The following KDM4B variants were observed in gnomAD, a reference collection of about 807,000 sequenced individuals.
The protein encoded by KDM4B is lysine demethylase 4B, also known as lysine-specific demethylase 4B.
KDM4B carries 32 observed loss-of-function variants against 125.2 expected under a neutral mutation model. The observed-to-expected ratio is 0.26, with a 90% CI of 0.19 to 0.34. The LOEUF is 0.34. KDM4B is among the 10% of genes least tolerant of loss of function. The pLI is 1.00. For missense variants in KDM4B, 1,190 were observed against 1,577.7 expected, an observed-to-expected ratio of 0.75 and a Z score of 4.16; for synonymous variants, 721 against 677.9, an observed-to-expected ratio of 1.06 and a Z score of -0.99.
intron 6 of KDM4B, among the ~76,000 whole-genome samples, chr19:5,048,867 C>T (rs1012258017): frequency 3.3e-5 from 5 of 152,108 alleles, no homozygotes; most frequent in East Asian, 3.9e-4. Context: ...CGGGAAGTGG[C>T]GAGCAGCCGG....
chr19:5,060,116 G>T (rs560463888), intron 6 of KDM4B, among the ~76,000 whole-genome samples: 2 of 152,324 alleles, frequency 1.3e-5, no homozygotes, highest in African/African-American at 4.8e-5. Flanking sequence ...AGCTGATCTT[G>T]GCCGGGTGAT....
In KDM4B at chr19:5,144,766, A is replaced by T; in HGVS notation, c.2902-17A>T. ...TAGTGTGGCCAGGACCTCACCTCCC[A>T]CCTCTTCTCCCTGCAGAGTAGGGAC... On this transcript the variant is annotated splice_polypyrimidine_tract_variant and intron_variant, in intron 20 of 22. Transcript: ENST00000159111. 4 of 1,612,920 alleles carry T rather than the reference A, an allele frequency of 2.5e-6. No individual in the cohort carries two copies. Among genetic ancestry groups the T allele is most frequent in the South Asian group, 2.2e-5 (2 of 91,054 alleles).
At chr19:5,135,311 TC>T (rs1355439609) in intron 14 of KDM4B, 27 bp from the exon 15 acceptor site, 2 of 1,520,498 alleles carry the variant, frequency 1.3e-6, no homozygotes, top group Non-Finnish European at 1.8e-6. Context: ...CATGGCTCTG[TC>T]CCCTGAAGGT....
Position 5,079,507 on chromosome 19 carries a change from C to T in KDM4B, c.780+2037C>T, listed in dbSNP as rs969636553. On this transcript the variant is annotated intron_variant, in intron 8 of 22. Transcript: ENST00000159111. ...GTCCTTACACTGTGAGAGCTTGGCT[C>T]TCTGCTGCCATCACCCCCATTCAAT... 7.2e-5 allele frequency among the ~76,000 whole-genome samples: 11 copies of T among 152,274 alleles called. No homozygotes were observed. In the East Asian group the frequency reaches 2.1e-3, roughly 29 times the overall value.
chr19:5,072,703 A>G (rs2037985695), intron 7 of KDM4B, among the ~76,000 whole-genome samples: 1 of 152,256 alleles, frequency 6.6e-6, no homozygotes, highest in South Asian at 2.1e-4. Flanking sequence ...ACAAATGACC[A>G]CAGAATTAAT....
chr19:5,003,855 G>A (rs567236061), intron 1 of KDM4B, among the ~76,000 whole-genome samples: 1 of 152,138 alleles, frequency 6.6e-6, no homozygotes, highest in Admixed American at 6.5e-5. Context: ...AACCCCCTCT[G>A]TCCCCCACAC....
intron 2 of KDM4B, among the ~76,000 whole-genome samples, chr19:5,017,900 C>T (rs1471417197): frequency 6.6e-6 from 1 of 151,388 alleles, no homozygotes; most frequent in African/African-American, 2.4e-5. Context: ...GCCACCACGC[C>T]CGGCTAATTT....
intron 6 of KDM4B, among the ~76,000 whole-genome samples, chr19:5,064,202 C>T (rs1020975197): frequency 1.3e-5 from 2 of 152,186 alleles, no homozygotes; most frequent in South Asian, 2.1e-4. Context: ...CCTGGGCTTG[C>T]GTGGGTGGCT....
chr19:5,068,393 G>A (rs972443468), intron 6 of KDM4B, among the ~76,000 whole-genome samples: 3 of 152,228 alleles, frequency 2.0e-5, no homozygotes, highest in African/African-American at 7.2e-5. Context: ...GAGCCTTGGT[G>A]TGAGAAGCAG....
intron 1 of KDM4B, among the ~76,000 whole-genome samples, chr19:5,006,678 C>T (rs942319044): frequency 3.3e-5 from 5 of 151,582 alleles, no homozygotes; most frequent in East Asian, 3.9e-4. Context: ...GAGGCTGAGG[C>T]GGGAGAATTG....
At position 5,150,301 on chromosome 19, in the gene KDM4B, C is replaced by CT. The variant is rs1446684926; in HGVS notation, c.3022-56dup. 9 of 1,474,056 alleles carry CT rather than the reference C, an allele frequency of 6.1e-6. No individual in the cohort carries two copies. In the East Asian group the frequency reaches 2.0e-4, roughly 32 times the overall value. The allele number at this position is 1,474,056 out of a possible 1,614,324, so 91.3% of individuals were successfully genotyped here. A position where few individuals can be genotyped will look rare whatever the true frequency, so the allele number is the denominator to read the frequency against. Reference sequence around the variant, plus strand: ...CCCAGCTCTTGAGGCCGTGGCCTGCCTGGAGCACCTGCCATCCTGGCAGTG... The same window carrying CT: ...CCCAGCTCTTGAGGCCGTGGCCTGCCTTGGAGCACCTGCCATCCTGGCAGTG... On this transcript the variant is annotated intron_variant, in intron 21 of 22. Coordinates refer to ENST00000159111, the MANE Select transcript of KDM4B (RefSeq NM_015015.3).
intron 1 of KDM4B, among the ~76,000 whole-genome samples, chr19:4,980,421 C>CTTTTTTTT (rs572345837): frequency 9.1e-6 from 1 of 109,730 alleles, no homozygotes; most frequent in Non-Finnish European, 1.8e-5. Flanking sequence ...CCTTTTCTTT[C>CTTTTTTTT]TTTTTTTTTT....
chr19:5,094,357 C>G (rs1173942960), intron 9 of KDM4B, among the ~76,000 whole-genome samples: 1 of 152,202 alleles, frequency 6.6e-6, no homozygotes, highest in Non-Finnish European at 1.5e-5. Context: ...GAGCGGGGGA[C>G]CTGGCAGAGG....
intron 1 of KDM4B, 125 bp from the exon 2 acceptor site, chr19:5,016,132 A>C (rs555824112): frequency 6.6e-6 from 1 of 152,368 alleles, no homozygotes; most frequent in African/African-American, 2.4e-5. Flanking sequence ...ATTGACAAGA[A>C]TGTGGAAAAT....
At chr19:5,071,545 T>A (rs921951804) in intron 7 of KDM4B, among the ~76,000 whole-genome samples, 36 of 152,230 alleles carry the variant, frequency 2.4e-4, no homozygotes, top group African/African-American at 8.2e-4. Flanking sequence ...CTGGACACCT[T>A]TGGCAAATGT....
chr19:5,099,416 A>G (rs1416538237), intron 9 of KDM4B, among the ~76,000 whole-genome samples: 1 of 152,194 alleles, frequency 6.6e-6, no homozygotes, highest in African/African-American at 2.4e-5. Flanking sequence ...GTGCAAGACA[A>G]TTGAAATATG....
rs79125853 is a variant in KDM4B at position 5,055,408 on chromosome 19, C to T, written c.626+7739C>T. The stretch of plus-strand genomic sequence containing the variant: ...ATATCGCCTTTTGCTGTGTGAAAAT[C>T]GCACTCCAAGCTCTCCTCCAGAGCC... On this transcript the variant is annotated intron_variant, in intron 6 of 22. Transcript: ENST00000159111. 6.7e-3 allele frequency among the ~76,000 whole-genome samples: 1,028 copies of T among 152,322 alleles called. 11 individuals carry two copies. Among genetic ancestry groups the T allele is most frequent in the African/African-American group, 0.024 (987 of 41,556 alleles).
chr19:5,125,173 C>T (rs1346249965), intron 11 of KDM4B, among the ~76,000 whole-genome samples: 1 of 152,256 alleles, frequency 6.6e-6, no homozygotes, highest in Non-Finnish European at 1.5e-5. Flanking sequence ...CAGGTATGAG[C>T]CACTGTGCCC....
intron 6 of KDM4B, among the ~76,000 whole-genome samples, chr19:5,048,248 T>TC (rs2037093499): frequency 6.6e-6 from 1 of 152,304 alleles, no homozygotes; most frequent in Admixed American, 6.5e-5. Context: ...CAGGACCTTC[T>TC]CCTGGCTCCC....
Sources: gnomAD v4.1 joint callset for allele counts (sites outside exome capture counted in the v4.1 genomes callset) on GRCh38, gnomAD v4.1.1 for gene constraint, MANE v1.5 for transcripts, NCBI Gene and HGNC (gene_info 2026-07-23, HGNC 2026-07-21) for gene names.